Variants in LEKR1 observed in about 807,000 individuals in gnomAD.
The protein encoded by LEKR1 is leucine, glutamate and lysine rich 1.
LEKR1 carries 59 observed loss-of-function variants against 72.4 expected under a neutral mutation model. The observed-to-expected ratio is 0.82, with a 90% CI of 0.66 to 1.01. The LOEUF is 1.01. Among genes scored for constraint, LEKR1 ranks in the 50% least tolerant of loss-of-function variants. The probability of loss-of-function intolerance (pLI) is 0.00; values close to 1 mark genes in which losing one functional copy is unlikely to be tolerated. For synonymous variants in LEKR1, 257 were observed against 263.2 expected, an observed-to-expected ratio of 0.98 and a Z score of 0.23; for missense variants, 728 against 759.2, an observed-to-expected ratio of 0.96 and a Z score of 0.48.
intron 12 of LEKR1, among the ~76,000 whole-genome samples, chr3:157,033,947 C>G (rs773309113): frequency 6.6e-6 from 1 of 152,060 alleles, no homozygotes; most frequent in Admixed American, 6.6e-5. Flanking sequence ...TAAATCTACT[C>G]TACTCTGTGC....
At chr3:156,962,346 T>C (rs1728202201) in intron 6 of LEKR1, among the ~76,000 whole-genome samples, 1 of 152,226 alleles carries the variant, frequency 6.6e-6, no homozygotes, top group African/African-American at 2.4e-5. Flanking sequence ...AGTTTGTAAT[T>C]ATTTTTAGTT....
chr3:156,945,148 T>C (rs955047699), intron 6 of LEKR1, among the ~76,000 whole-genome samples: 2 of 151,958 alleles, frequency 1.3e-5, no homozygotes, highest in African/African-American at 2.4e-5. Flanking sequence ...TAGTTTTGAT[T>C]TGCATTTCTC....
rs144847688 is a variant in LEKR1, at chr3:156,840,850, C to G, written c.48+11473C>G. Among the ~76,000 whole-genome samples, 497 of 152,268 alleles carry G rather than the reference C, an allele frequency of 3.3e-3. 5 individuals are homozygous for G. Among genetic ancestry groups the G allele is most frequent in the African/African-American group, 0.011 (475 of 41,564 alleles). On this transcript the variant is annotated intron_variant, in intron 2 of 12. Transcript: ENST00000356539. ...GAGGGTTCAGCTATACTTGTACTCACCTGAGAAATGGTGCTTATATATATT... is the reference window on the plus strand; with the variant it reads ...GAGGGTTCAGCTATACTTGTACTCAGCTGAGAAATGGTGCTTATATATATT...
chr3:156,852,964 A>G lies in LEKR1; in HGVS notation c.245A>G (p.Asn82Ser). 1 of 1,534,444 alleles carries G rather than the reference A, an allele frequency of 6.5e-7. No individual in the cohort carries two copies. Among genetic ancestry groups the G allele is most frequent in the Non-Finnish European group, 8.7e-7 (1 of 1,145,012 alleles). ...SQELEQYKID[N>S]KSKTERIYDV... ...GAACTTGAACAGTACAAAATTGACA[A>G]CAAATCCAAAACAGAAAGGTTGAGT... Residue 82 changes from asparagine to serine, a missense_variant, in exon 3 of 13, where the codon AAC (asparagine) becomes AGC (serine). Coordinates refer to ENST00000356539, the MANE Select transcript of LEKR1 (RefSeq NM_001004316.3).
intron 6 of LEKR1, among the ~76,000 whole-genome samples, chr3:156,947,166 T>C (rs1242731899): frequency 6.6e-6 from 1 of 151,218 alleles, no homozygotes; most frequent in Non-Finnish European, 1.5e-5. Context: ...TTGGACTTGG[T>C]TTTCTCTTGC....
intron 4 of LEKR1, among the ~76,000 whole-genome samples, chr3:156,922,415 G>GA (rs757159527): frequency 0.013 from 1,786 of 137,734 alleles, 22 homozygotes; most frequent in African/African-American, 0.027. Context: ...AATGTGGGAT[G>GA]AAAAAAAAAA....
At chr3:157,005,373 A>AT (rs1732340860) in intron 9 of LEKR1, among the ~76,000 whole-genome samples, 1 of 152,146 alleles carries the variant, frequency 6.6e-6, no homozygotes. Context: ...TTTACCAAGC[A>AT]TTTAAGGAAA....
intron 10 of LEKR1, among the ~76,000 whole-genome samples, chr3:157,017,943 T>G (rs1733488148): frequency 1.9e-5 from 1 of 52,750 alleles, no homozygotes; most frequent in South Asian, 1.0e-3. Context: ...AGCGAGACTC[T>G]GTCTCAAAAA....
chr3:156,959,950 A>T (rs1366860183), intron 6 of LEKR1, among the ~76,000 whole-genome samples: 1 of 151,886 alleles, frequency 6.6e-6, no homozygotes, highest in Non-Finnish European at 1.5e-5. Context: ...CATCCCCCCC[A>T]CCCATGTTCC....
At chr3:156,884,420 G>T (rs1047831580) in intron 3 of LEKR1, among the ~76,000 whole-genome samples, 2 of 151,964 alleles carry the variant, frequency 1.3e-5, no homozygotes, top group South Asian at 2.1e-4. Context: ...TATATTTCAC[G>T]GTTTTGTTTC....
At chr3:156,955,944 T>C (rs1287719038) in intron 6 of LEKR1, among the ~76,000 whole-genome samples, 1 of 114,766 alleles carries the variant, frequency 8.7e-6, no homozygotes, top group East Asian at 2.4e-4. Context: ...AGGATGTTCA[T>C]ACTGTAGAAT....
At chr3:157,001,231 C>G (rs187186337) in intron 9 of LEKR1, among the ~76,000 whole-genome samples, 3 of 152,244 alleles carry the variant, frequency 2.0e-5, no homozygotes, top group Non-Finnish European at 1.5e-5. Context: ...TAAATTTTAT[C>G]AGGTTTTTTC....
At chr3:156,899,784 A>T (rs1423997126) in intron 3 of LEKR1, among the ~76,000 whole-genome samples, 1 of 102,816 alleles carries the variant, frequency 9.7e-6, no homozygotes, top group African/African-American at 2.8e-5. Flanking sequence ...ACACATATAT[A>T]CACATATATA....
rs74374363 is a variant in LEKR1 at position 156,980,515 on chromosome 3, A to G, written c.827+1240A>G. On this transcript the variant is annotated intron_variant, in intron 7 of 12. Transcript: ENST00000356539. ...GAAGACCCCCTAGGCCCAGGAAGTA[A>G]CTTTTTGGGAGATTGTTTTAAATCA... 2.3e-3 allele frequency among the ~76,000 whole-genome samples: 354 copies of G among 152,194 alleles called. 6 individuals are homozygous for G. In the East Asian group the frequency reaches 0.026, roughly 11 times the overall value.
In LEKR1 at chr3:156,906,592, A is replaced by G. The variant is rs147569685; in HGVS notation, c.264-13983A>G. On this transcript the variant is annotated intron_variant, in intron 3 of 12. Coordinates refer to ENST00000356539, the MANE Select transcript of LEKR1 (RefSeq NM_001004316.3). ...GCTAGCACAGTACATACTGTATTGT[A>G]GTATTTCATGAATTATTTCATAAAG... Among the ~76,000 whole-genome samples the G allele has an allele frequency of 2.9e-3, 439 of 152,324 alleles. 1 individual carries two copies. Among genetic ancestry groups the G allele is most frequent in the African/African-American group, 1.0e-2 (415 of 41,590 alleles).
At chr3:157,012,884 C>T (rs778903711) in intron 10 of LEKR1, among the ~76,000 whole-genome samples, 3 of 151,962 alleles carry the variant, frequency 2.0e-5, no homozygotes, top group Non-Finnish European at 2.9e-5. Flanking sequence ...ATTCCCTTTC[C>T]TTATTCTTAC....
intron 3 of LEKR1, among the ~76,000 whole-genome samples, chr3:156,886,953 T>TG (rs1720162440): frequency 2.0e-5 from 3 of 152,218 alleles, no homozygotes; most frequent in Non-Finnish European, 4.4e-5. Flanking sequence ...CAAAAGATCA[T>TG]GGTGTGAGTC....
At chr3:156,901,337 T>G (rs1204279812) in intron 3 of LEKR1, among the ~76,000 whole-genome samples, 1 of 152,166 alleles carries the variant, frequency 6.6e-6, no homozygotes, top group Non-Finnish European at 1.5e-5. Context: ...GCTGGGTACT[T>G]GCCTCTCTTT....
At chr3:156,937,439 C>T (rs149961180) in intron 5 of LEKR1, among the ~76,000 whole-genome samples, 1 of 152,192 alleles carries the variant, frequency 6.6e-6, no homozygotes, top group East Asian at 1.9e-4. Context: ...ACATCATTAG[C>T]CATGAGCAAA....
Sources: allele counts gnomAD v4.1 joint callset (sites outside exome capture counted in the v4.1 genomes callset), GRCh38; gene constraint gnomAD v4.1.1; transcripts MANE v1.5; gene names NCBI Gene and HGNC (gene_info 2026-07-23, HGNC 2026-07-21).